ATXN7L1: variants seen among roughly 807,000 people sequenced by gnomAD.
ATXN7L1 encodes the protein ataxin-7-like protein 1.
ATXN7L1 carries 15 observed loss-of-function variants against 70.8 expected under a neutral mutation model. The observed-to-expected ratio is 0.21, with a 90% CI of 0.14 to 0.33. The LOEUF (loss-of-function observed/expected upper bound fraction) is 0.33. ATXN7L1 is among the 10% of genes least tolerant of loss of function. ATXN7L1 has a pLI of 1.00. For synonymous variants in ATXN7L1, 440 were observed against 445.1 expected (o/e 0.99, Z 0.14); for missense variants, 975 against 1,097.1 (o/e 0.89, Z 1.57).
chr7:105,785,277 C>T (rs1054846977), intron 3 of ATXN7L1, among the ~76,000 whole-genome samples: 5 of 152,174 alleles, frequency 3.3e-5, no homozygotes, highest in African/African-American at 1.2e-4. Context: ...ACCAGCCTGG[C>T]CAACATGGCA....
intron 3 of ATXN7L1, among the ~76,000 whole-genome samples, chr7:105,738,935 A>G (rs1420984429): frequency 6.6e-6 from 1 of 152,232 alleles, no homozygotes; most frequent in Non-Finnish European, 1.5e-5. Context: ...ATACAGTACT[A>G]GGTGGATGAG....
chr7:105,867,283 T>C (rs943070382), intron 2 of ATXN7L1, among the ~76,000 whole-genome samples: 1 of 152,204 alleles, frequency 6.6e-6, no homozygotes, highest in Non-Finnish European at 1.5e-5. Context: ...TTCAGACATA[T>C]CCCGTGGGTA....
chr7:105,825,456 T>C (rs1810736767), intron 2 of ATXN7L1, among the ~76,000 whole-genome samples: 1 of 151,642 alleles, frequency 6.6e-6, no homozygotes, highest in African/African-American at 2.4e-5. Context: ...AGTGACAGGA[T>C]ATACCCAATC....
rs181119240 is a variant in ATXN7L1 at position 105,862,538 on chromosome 7, C to G, written c.250+13274G>C. Among the ~76,000 whole-genome samples the G allele has an allele frequency of 1.7e-3, 261 of 152,272 alleles. 1 individual carries two copies. Among genetic ancestry groups the G allele is most frequent in the East Asian group, 6.8e-3 (35 of 5,180 alleles). On this transcript the variant is annotated intron_variant, in intron 2 of 11. Coordinates refer to ENST00000419735, the MANE Select transcript of ATXN7L1 (RefSeq NM_020725.2). ...CATTAAGTGTAAAAGGTGCTTGAAC[C>G]CACAAGCTCCAGGTCCTTATCAGAA... is the stretch of plus-strand genomic sequence containing the variant.
intron 4 of ATXN7L1, among the ~76,000 whole-genome samples, chr7:105,664,588 T>TATATATATATATATATATATA (rs1388359970): frequency 7.4e-5 from 11 of 147,708 alleles, no homozygotes; most frequent in South Asian, 2.1e-4. Flanking sequence ...TATATATATA[T>TATATATATATATATATATATA]TTGAGACAGA....
intron 2 of ATXN7L1, among the ~76,000 whole-genome samples, chr7:105,813,334 A>AG (rs1283299992): frequency 8.0e-6 from 1 of 124,908 alleles, no homozygotes; most frequent in African/African-American, 3.1e-5. Flanking sequence ...CACAATCTAC[A>AG]ATTTTTTTTT....
rs114659545 is a variant in ATXN7L1 at position 105,803,387 on chromosome 7, C to A, written c.251-14679G>T. 7.6e-3 allele frequency among the ~76,000 whole-genome samples: 1,165 copies of A among 152,330 alleles called. 14 individuals are homozygous for A. The highest frequency in any genetic ancestry group is 0.027 in the African/African-American group (1,124 of 41,576). Reference sequence around the variant, plus strand: ...CCATGAGTCAGTGCTCCCCTGCTGGCCCCACCCTGATGTCCAGGATCCTAT... The same window carrying A: ...CCATGAGTCAGTGCTCCCCTGCTGGACCCACCCTGATGTCCAGGATCCTAT... On this transcript the variant is annotated intron_variant, in intron 2 of 11. Coordinates refer to ENST00000419735, the MANE Select transcript of ATXN7L1 (RefSeq NM_020725.2).
At chr7:105,841,502 C>T (rs1813203438) in intron 2 of ATXN7L1, among the ~76,000 whole-genome samples, 2 of 152,204 alleles carry the variant, frequency 1.3e-5, no homozygotes, top group Non-Finnish European at 1.5e-5. Context: ...GATGAAATCT[C>T]ATGCTGTCCA....
At position 105,727,630 on chromosome 7, in the gene ATXN7L1, T is replaced by C. The variant is rs566410924; in HGVS notation, c.355+60974A>G. Among the ~76,000 whole-genome samples the C allele has an allele frequency of 7.6e-4, 112 of 146,572 alleles. 2 individuals are homozygous for C. The highest frequency in any genetic ancestry group is 8.8e-4 in the Admixed American group (13 of 14,722). On this transcript the variant is annotated intron_variant, in intron 3 of 11. Transcript: ENST00000419735. The stretch of plus-strand genomic sequence containing the variant: ...GTTGCAGTGAGCCTAGATAGTGCCA[T>C]TGCACTCCAGCCTGGGCGACAAGAG...
chr7:105,607,804 T>G lies in ATXN7L1; in HGVS notation c.*48A>C. 3.3e-6 allele frequency: 5 copies of G among 1,514,896 alleles called. No individual in the cohort carries two copies. Among genetic ancestry groups the G allele is most frequent in the Non-Finnish European group, 4.5e-6 (5 of 1,113,382 alleles). 93.8% of individuals were successfully genotyped at this position (1,514,896 alleles called of 1,614,324 possible). A position where few individuals can be genotyped will look rare whatever the true frequency, so the allele number is the denominator to read the frequency against. On this transcript the variant is annotated 3_prime_UTR_variant, in exon 12 of 12. Transcript: ENST00000419735. ...TCCTCCTCCCCATGGCCTCCTCGGA[T>G]GGGATTAGGTGGCCTGGAATTGATG...
intron 3 of ATXN7L1, among the ~76,000 whole-genome samples, chr7:105,698,682 G>A (rs1792054257): frequency 6.6e-6 from 1 of 152,098 alleles, no homozygotes; most frequent in African/African-American, 2.4e-5. Context: ...GGGGGAGAGT[G>A]AGTATCAATG....
At chr7:105,664,379 G>C (rs1403584650) in intron 4 of ATXN7L1, among the ~76,000 whole-genome samples, 1 of 150,830 alleles carries the variant, frequency 6.6e-6, no homozygotes, top group Non-Finnish European at 1.5e-5. Flanking sequence ...CAACTCTCAA[G>C]AGAATTAAAA....
chr7:105,664,117 C>T (rs1380048976), intron 4 of ATXN7L1, among the ~76,000 whole-genome samples: 1 of 152,128 alleles, frequency 6.6e-6, no homozygotes, highest in Non-Finnish European at 1.5e-5. Context: ...GGGTGACCTT[C>T]TACTTGGCTT....
intron 3 of ATXN7L1, among the ~76,000 whole-genome samples, chr7:105,676,863 A>G (rs1046485001): frequency 4.0e-5 from 6 of 151,614 alleles, no homozygotes; most frequent in Non-Finnish European, 5.9e-5. Context: ...AAAACAAAAA[A>G]CCCCCCAAAA....
rs528077876 is a variant in ATXN7L1, at chr7:105,827,572, C to T, written c.251-38864G>A. ...TACAGTATTTGTGAGACATGAAACT[C>T]GCCTGCACAGAAGGCTGACTTTTCA... On this transcript the variant is annotated intron_variant, in intron 2 of 11. Coordinates refer to ENST00000419735, the MANE Select transcript of ATXN7L1 (RefSeq NM_020725.2). Among the ~76,000 whole-genome samples the T allele has an allele frequency of 3.9e-5, 6 of 152,268 alleles. No homozygotes were observed. In the East Asian group the frequency reaches 9.6e-4, roughly 24 times the overall value.
At chr7:105,610,502 G>T in intron 11 of ATXN7L1, 27 bp downstream of exon 11, 3 of 1,525,630 alleles carry the variant, frequency 2.0e-6, no homozygotes, top group Non-Finnish European at 2.7e-6. Flanking sequence ...ATGAATTTTT[G>T]CCCCACCCCC....
chr7:105,777,467 T>C (rs1802896375), intron 3 of ATXN7L1, among the ~76,000 whole-genome samples: 1 of 152,244 alleles, frequency 6.6e-6, no homozygotes, highest in African/African-American at 2.4e-5. Context: ...TATGAAACGC[T>C]TTCTTCTCTT....
chr7:105,835,357 GT>G (rs1812224387), intron 2 of ATXN7L1, among the ~76,000 whole-genome samples: 1 of 151,590 alleles, frequency 6.6e-6, no homozygotes, highest in African/African-American at 2.4e-5. Flanking sequence ...TTCTAGCCAT[GT>G]TGCCCAGGCT....
intron 4 of ATXN7L1, among the ~76,000 whole-genome samples, chr7:105,643,707 G>C (rs750848877): frequency 1.8e-4 from 28 of 152,270 alleles, no homozygotes; most frequent in Non-Finnish European, 3.1e-4. Context: ...GGCTCAAATT[G>C]AGTGAGCCGC....
Sources: allele counts gnomAD v4.1 joint callset (sites outside exome capture counted in the v4.1 genomes callset), GRCh38; gene constraint gnomAD v4.1.1; transcripts MANE v1.5; gene names NCBI Gene and HGNC (gene_info 2026-07-23, HGNC 2026-07-21).